SSBP2: variants seen among roughly 807,000 people sequenced by gnomAD.
SSBP2 encodes single-stranded DNA-binding protein 2.
A neutral mutation model predicts 61.8 loss-of-function variants in SSBP2; 17 were observed. The observed-to-expected ratio is 0.28, with a 90% CI of 0.19 to 0.41. SSBP2 has a LOEUF of 0.41. Among genes scored for constraint, SSBP2 ranks in the 10% least tolerant of loss-of-function variants. The pLI is 1.00. For missense variants in SSBP2, 310 were observed against 458.7 expected, an observed-to-expected ratio of 0.68 and a Z score of 2.96; for synonymous variants, 139 against 141.3, an observed-to-expected ratio of 0.98 and a Z score of 0.12.
At chr5:81,726,696 C>T (rs958303126) in intron 1 of SSBP2, among the ~76,000 whole-genome samples, 8 of 152,210 alleles carry the variant, frequency 5.3e-5, no homozygotes, top group African/African-American at 1.9e-4. Flanking sequence ...AAGATAAATC[C>T]TCTCTTCCAG....
chr5:81,685,144 ATGATTT>A (rs1752680614), intron 1 of SSBP2, among the ~76,000 whole-genome samples: 1 of 152,116 alleles, frequency 6.6e-6, no homozygotes, highest in South Asian at 2.1e-4. Context: ...ACCTTCTGCC[ATGATTT>A]TAAGTTTCTT....
intron 1 of SSBP2, among the ~76,000 whole-genome samples, chr5:81,692,264 C>A (rs1028254740): frequency 1.5e-4 from 22 of 151,582 alleles, no homozygotes; most frequent in African/African-American, 5.1e-4. Flanking sequence ...TTATAATAAC[C>A]GAAAATAAAA....
chr5:81,420,495 G>A lies in SSBP2; in HGVS notation c.*9C>T. On this transcript the variant is annotated 3_prime_UTR_variant, in exon 17 of 17. Coordinates refer to ENST00000320672, the MANE Select transcript of SSBP2 (RefSeq NM_012446.5). Reference sequence around the variant, plus strand: ...CACTGTGGTTTTCATGAGGAGACTTGGTAATGGATCACACGCTCATTGTCA... The same window carrying A: ...CACTGTGGTTTTCATGAGGAGACTTAGTAATGGATCACACGCTCATTGTCA... The A allele has an allele frequency of 6.2e-7, 1 of 1,613,270 alleles. No individual in the cohort carries two copies. Among genetic ancestry groups the A allele is most frequent in the Non-Finnish European group, 8.5e-7 (1 of 1,179,322 alleles).
intron 1 of SSBP2, among the ~76,000 whole-genome samples, chr5:81,679,088 C>A (rs1046313936): frequency 6.6e-6 from 1 of 152,240 alleles, no homozygotes; most frequent in Non-Finnish European, 1.5e-5. Context: ...CAGCTAACTG[C>A]AGCCTCTGCC....
At chr5:81,694,245 C>T in intron 1 of SSBP2, among the ~76,000 whole-genome samples, 1 of 152,074 alleles carries the variant, frequency 6.6e-6, no homozygotes, top group Non-Finnish European at 1.5e-5. Flanking sequence ...TGAATAAGAC[C>T]CAGCATTTGA....
chr5:81,596,898 C>T (rs1332892826), intron 4 of SSBP2, among the ~76,000 whole-genome samples: 1 of 149,272 alleles, frequency 6.7e-6, no homozygotes, highest in Non-Finnish European at 1.5e-5. Flanking sequence ...AGAAGAAAAC[C>T]TAAGCAATAC....
chr5:81,426,011 A>C (rs1761929048), intron 16 of SSBP2, among the ~76,000 whole-genome samples: 1 of 152,230 alleles, frequency 6.6e-6, no homozygotes. Context: ...TTTCAGAGTT[A>C]TGTGTATTAA....
chr5:81,435,006 T>TACTATCAC (rs1762586045), intron 15 of SSBP2, among the ~76,000 whole-genome samples: 1 of 152,116 alleles, frequency 6.6e-6, no homozygotes, highest in Non-Finnish European at 1.5e-5. Flanking sequence ...GCACTAATGG[T>TACTATCAC]ACTATCACCC....
chr5:81,746,079 T>C (rs993507216), intron 1 of SSBP2, among the ~76,000 whole-genome samples: 6 of 152,110 alleles, frequency 3.9e-5, no homozygotes, highest in Admixed American at 1.3e-4. Context: ...AACTTTTTTC[T>C]CTCACAGCTC....
chr5:81,674,123 A>G (rs901824017), intron 1 of SSBP2, among the ~76,000 whole-genome samples: 2 of 152,202 alleles, frequency 1.3e-5, no homozygotes, highest in Non-Finnish European at 2.9e-5. Context: ...TTAAGGATGT[A>G]TAATTCCTGA....
chr5:81,558,797 G>T (rs1413913884), intron 4 of SSBP2, among the ~76,000 whole-genome samples: 6 of 152,066 alleles, frequency 3.9e-5, no homozygotes, highest in Admixed American at 3.9e-4. Context: ...CAAATTAATT[G>T]TCAAAGCAAA....
intron 10 of SSBP2, among the ~76,000 whole-genome samples, chr5:81,458,244 G>A (rs944262646): frequency 1.3e-4 from 20 of 152,178 alleles, no homozygotes. Context: ...GAGCCAATTA[G>A]TGAAATCTGA....
intron 3 of SSBP2, 142 bp from the exon 4 acceptor site, chr5:81,615,699 C>A: frequency 1.7e-6 from 1 of 577,230 alleles, no homozygotes; most frequent in Non-Finnish European, 3.0e-6. Flanking sequence ...GACTTAAACG[C>A]AAGCAAGGCT....
chr5:81,714,078 C>T (rs1754997926), intron 1 of SSBP2, among the ~76,000 whole-genome samples: 1 of 152,076 alleles, frequency 6.6e-6, no homozygotes, highest in African/African-American at 2.4e-5. Context: ...CCCCAACAGG[C>T]CCTGGTGTGT....
intron 4 of SSBP2, among the ~76,000 whole-genome samples, chr5:81,533,426 T>C (rs577238001): frequency 9.2e-5 from 14 of 151,478 alleles, no homozygotes; most frequent in Non-Finnish European, 1.5e-4. Context: ...GAAAAGGAAA[T>C]GTAAGAAAAG....
At chr5:81,554,308 T>A (rs936375218) in intron 4 of SSBP2, among the ~76,000 whole-genome samples, 1 of 151,956 alleles carries the variant, frequency 6.6e-6, no homozygotes, top group African/African-American at 2.4e-5. Context: ...TAACATGAAA[T>A]TTCTTGTAAA....
chr5:81,683,798 A>C (rs1752577362), intron 1 of SSBP2, among the ~76,000 whole-genome samples: 1 of 152,218 alleles, frequency 6.6e-6, no homozygotes, highest in South Asian at 2.1e-4. Context: ...TAAAAAATGA[A>C]CAAAAAAGCC....
intron 5 of SSBP2, among the ~76,000 whole-genome samples, chr5:81,497,375 G>A (rs1767368660): frequency 6.6e-6 from 1 of 152,120 alleles, no homozygotes; most frequent in East Asian, 1.9e-4. Flanking sequence ...GTAAATATTT[G>A]GTTGCTTCAG....
chr5:81,685,936 A>C (rs1752739373), intron 1 of SSBP2, among the ~76,000 whole-genome samples: 1 of 152,244 alleles, frequency 6.6e-6, no homozygotes, highest in Admixed American at 6.5e-5. Flanking sequence ...AAAGTACATT[A>C]ACTGGAATCT....
Sources: allele counts gnomAD v4.1 joint callset (sites outside exome capture counted in the v4.1 genomes callset), GRCh38; gene constraint gnomAD v4.1.1; transcripts MANE v1.5; gene names NCBI Gene and HGNC (gene_info 2026-07-23, HGNC 2026-07-21).